CNBD1: variants seen among roughly 807,000 people sequenced by gnomAD.
CNBD1 encodes cyclic nucleotide-binding domain-containing protein 1.
In CNBD1, 71 loss-of-function variants were observed where a neutral mutation model predicts 54.4. That is an observed-to-expected ratio of 1.30 (90% CI 1.08 to 1.59). The LOEUF (loss-of-function observed/expected upper bound fraction) is 1.59. Among genes scored for constraint, CNBD1 ranks in the 40% most tolerant of loss-of-function variants. The pLI is 0.00. For missense variants in CNBD1, 659 were observed against 518.0 expected, an observed-to-expected ratio of 1.27 and a Z score of -2.64; for synonymous variants, 182 against 170.7, an observed-to-expected ratio of 1.07 and a Z score of -0.51.
At chr8:87,228,897 T>C (rs201439108) in intron 5 of CNBD1, among the ~76,000 whole-genome samples, 1 of 152,214 alleles carries the variant, frequency 6.6e-6, no homozygotes, top group Admixed American at 6.5e-5. Flanking sequence ...AGCGAGACTC[T>C]GTGGGGTAGG....
At chr8:87,064,297 CTTG>C (rs1348607128) in intron 4 of CNBD1, among the ~76,000 whole-genome samples, 3 of 151,830 alleles carry the variant, frequency 2.0e-5, no homozygotes, top group African/African-American at 7.2e-5. Context: ...TTTCTTCCAT[CTTG>C]TTATCTTTTG....
intron 4 of CNBD1, among the ~76,000 whole-genome samples, chr8:87,193,913 T>C (rs1023351356): frequency 1.3e-5 from 2 of 152,190 alleles, no homozygotes; most frequent in Admixed American, 6.5e-5. Context: ...TACTATTTCA[T>C]GTATATCCTA....
chr8:86,979,673 C>A (rs1002019647), intron 4 of CNBD1, among the ~76,000 whole-genome samples: 1 of 151,984 alleles, frequency 6.6e-6, no homozygotes. Context: ...ATATTACAGA[C>A]AAATTAGCTG....
At chr8:87,324,214 A>C (rs1302076243) in intron 8 of CNBD1, among the ~76,000 whole-genome samples, 4 of 129,696 alleles carry the variant, frequency 3.1e-5, no homozygotes, top group Admixed American at 3.0e-4. Flanking sequence ...CCAGTATTTT[A>C]TTGAGGATTT....
At chr8:87,148,637 G>T (rs1324726199) in intron 4 of CNBD1, among the ~76,000 whole-genome samples, 2 of 152,094 alleles carry the variant, frequency 1.3e-5, no homozygotes, top group East Asian at 1.9e-4. Context: ...AGCTCCTGGG[G>T]AGAGCACTGA....
intron 1 of CNBD1, among the ~76,000 whole-genome samples, chr8:86,881,238 T>C (rs1808601860): frequency 6.6e-6 from 1 of 152,162 alleles, no homozygotes; most frequent in African/African-American, 2.4e-5. Flanking sequence ...AGTAAAACTA[T>C]CCCTGTTTGC....
chr8:87,329,349 A>G (rs1057319472), intron 8 of CNBD1, among the ~76,000 whole-genome samples: 1 of 152,100 alleles, frequency 6.6e-6, no homozygotes, highest in African/African-American at 2.4e-5. Flanking sequence ...CAGTCTTTCA[A>G]CTTTGTTCTT....
At chr8:87,216,123 A>G (rs550542594) in intron 5 of CNBD1, among the ~76,000 whole-genome samples, 2 of 152,322 alleles carry the variant, frequency 1.3e-5, no homozygotes, top group African/African-American at 4.8e-5. Flanking sequence ...TATGTAAGCT[A>G]TTTTTAAAAT....
intron 2 of CNBD1, among the ~76,000 whole-genome samples, chr8:87,404,456 A>G (rs1462390534): frequency 2.0e-5 from 3 of 151,774 alleles, no homozygotes; most frequent in Non-Finnish European, 4.4e-5. Flanking sequence ...CATTTCCTGA[A>G]CTTTCCCTCC....
rs397892505 is a variant in CNBD1, at chr8:87,094,444, C to CT, written c.432-111537dup. Among the ~76,000 whole-genome samples the CT allele has an allele frequency of 6.6e-3, 921 of 139,444 alleles. 13 individuals carry two copies. Among genetic ancestry groups the CT allele is most frequent in the South Asian group, 0.034 (151 of 4,412 alleles). 91.5% of individuals were successfully genotyped at this position (139,444 alleles called of 152,430 possible). A position where few individuals can be genotyped will look rare whatever the true frequency, so the allele number is the denominator to read the frequency against. ...TTTCCTTGATTTTTTTTCTTTAATGCTTTTTTTTTTTTCCCTGTCCAGGTT... is the reference window on the plus strand; with the variant it reads ...TTTCCTTGATTTTTTTTCTTTAATGCTTTTTTTTTTTTTCCCTGTCCAGGTT... On this transcript the variant is annotated intron_variant, in intron 4 of 10. Transcript: ENST00000518476.
chr8:87,126,270 G>C (rs1400438418), intron 4 of CNBD1, among the ~76,000 whole-genome samples: 2 of 151,944 alleles, frequency 1.3e-5, no homozygotes, highest in Non-Finnish European at 2.9e-5. Flanking sequence ...CAAAGTGGTT[G>C]TACCACTTTA....
chr8:87,312,024 A>G (rs1254898036), intron 8 of CNBD1, among the ~76,000 whole-genome samples: 2 of 152,012 alleles, frequency 1.3e-5, no homozygotes, highest in Admixed American at 6.6e-5. Flanking sequence ...GACAGGATCA[A>G]TTGTACCCCA....
At chr8:87,362,162 G>T (rs1810535907) in intron 10 of CNBD1, among the ~76,000 whole-genome samples, 1 of 152,032 alleles carries the variant, frequency 6.6e-6, no homozygotes, top group Admixed American at 6.6e-5. Flanking sequence ...TGATCTGCAA[G>T]GAATGTCCAC....
intron 4 of CNBD1, among the ~76,000 whole-genome samples, chr8:87,128,710 T>C (rs1171777807): frequency 6.6e-6 from 1 of 151,988 alleles, no homozygotes; most frequent in Non-Finnish European, 1.5e-5. Flanking sequence ...TTTGTATCCT[T>C]GGGAAAAACC....
intron 4 of CNBD1, among the ~76,000 whole-genome samples, chr8:87,181,759 A>T (rs1461326612): frequency 6.6e-6 from 1 of 151,776 alleles, no homozygotes; most frequent in East Asian, 1.9e-4. Context: ...TTTAGATTTA[A>T]TTTTTCTTCT....
intron 4 of CNBD1, among the ~76,000 whole-genome samples, chr8:86,974,585 T>TA (rs377582459): frequency 9.1e-4 from 138 of 152,100 alleles, no homozygotes; most frequent in African/African-American, 3.2e-3. Flanking sequence ...ACTAAGACAA[T>TA]AATACATGCC....
intron 4 of CNBD1, among the ~76,000 whole-genome samples, chr8:87,010,822 A>T (rs1047376470): frequency 4.6e-5 from 7 of 151,656 alleles, no homozygotes; most frequent in Admixed American, 2.0e-4. Flanking sequence ...CACTGAAAAC[A>T]TTTTTTTTTA....
chr8:87,084,646 G>A (rs56395766), intron 4 of CNBD1, among the ~76,000 whole-genome samples: 14,403 of 151,124 alleles, frequency 0.095, 2,248 homozygotes, highest in African/African-American at 0.32. Flanking sequence ...TTTAGTCTTC[G>A]TATGATGTAT....
At chr8:87,252,083 C>A (rs1301682419) in intron 6 of CNBD1, among the ~76,000 whole-genome samples, 1 of 152,024 alleles carries the variant, frequency 6.6e-6, no homozygotes, top group Non-Finnish European at 1.5e-5. Flanking sequence ...TAGACTTAGT[C>A]CCTGGTGACC....
Sources: gnomAD v4.1 joint callset for allele counts (sites outside exome capture counted in the v4.1 genomes callset) on GRCh38, gnomAD v4.1.1 for gene constraint, MANE v1.5 for transcripts, NCBI Gene and HGNC (gene_info 2026-07-23, HGNC 2026-07-21) for gene names.